Variants in DHX16 observed in about 807,000 individuals in gnomAD.
The protein encoded by DHX16 is pre-mRNA-splicing factor ATP-dependent RNA helicase DHX16.
A neutral mutation model predicts 131.2 loss-of-function variants in DHX16; 81 were observed. That is an observed-to-expected ratio of 0.62 (90% CI 0.52 to 0.74). The LOEUF is 0.74. Among genes scored for constraint, DHX16 ranks in the 30% least tolerant of loss-of-function variants. The probability of loss-of-function intolerance (pLI) is 0.00; values close to 1 mark genes in which losing one functional copy is unlikely to be tolerated. For missense variants in DHX16, 980 were observed against 1,363.1 expected, an observed-to-expected ratio of 0.72 and a Z score of 4.43; for synonymous variants, 440 against 520.2, an observed-to-expected ratio of 0.85 and a Z score of 2.10.
At chr6:30,655,150 A>G (rs563464915) in intron 18 of DHX16, 25 bp downstream of exon 18, 2 of 1,613,766 alleles carry the variant, frequency 1.2e-6, no homozygotes, top group Non-Finnish European at 8.5e-7. Context: ...GGGGGTGGAA[A>G]GCAGGAGGCT....
intron 12 of DHX16, among the ~76,000 whole-genome samples, chr6:30,657,679 T>C (rs1219078802): frequency 6.6e-6 from 1 of 152,090 alleles, no homozygotes; most frequent in Non-Finnish European, 1.5e-5. Flanking sequence ...GTAAGTGCAC[T>C]CCTCACTGGA....
intron 12 of DHX16, among the ~76,000 whole-genome samples, chr6:30,657,819 G>A (rs1272249263): frequency 6.6e-6 from 1 of 152,028 alleles, no homozygotes; most frequent in Non-Finnish European, 1.5e-5. Flanking sequence ...TACACCCCAA[G>A]GAAAATACCT....
In DHX16 at chr6:30,660,044, G is replaced by A; in HGVS notation, c.1743C>T (p.Ile581=). The change falls in exon 10 of 20, where the codon ATC becomes ATT. Residue 581 remains isoleucine (I), a synonymous_variant. Transcript: ENST00000376442. ...RIPGRRFPVD[I]FYTKAPEADY... The stretch of plus-strand genomic sequence containing the variant: ...CCTGAGGGGGCACCTTGGTGTAGAA[G>A]ATGTCCACAGGAAACCTGCGTCCGG... The A allele has an allele frequency of 2.5e-6, 4 of 1,612,664 alleles. No individual in the cohort carries two copies. The highest frequency in any genetic ancestry group is 3.4e-6 in the Non-Finnish European group (4 of 1,179,784).
intron 7 of DHX16, among the ~76,000 whole-genome samples, chr6:30,663,498 G>A (rs1307735555): frequency 2.0e-5 from 3 of 151,896 alleles, no homozygotes; most frequent in Non-Finnish European, 4.4e-5. Flanking sequence ...GAGGCAGACG[G>A]ATCTCCTGAG....
chr6:30,659,336 AG>A, intron 12 of DHX16, 135 bp downstream of exon 12: 2 of 951,642 alleles, frequency 2.1e-6, no homozygotes, highest in Non-Finnish European at 3.1e-6. Context: ...CTTCAGTCCC[AG>A]GAACAAGGGA....
chr6:30,666,869 G>C (rs1769091535), intron 4 of DHX16, among the ~76,000 whole-genome samples: 1 of 152,036 alleles, frequency 6.6e-6, no homozygotes, highest in South Asian at 2.1e-4. Flanking sequence ...TAGTTGTTTG[G>C]CTTTTCTTGT....
chr6:30,656,169 T>C lies in DHX16; in HGVS notation c.2498+29A>G. On this transcript the variant is annotated intron_variant, in intron 16 of 19. Coordinates refer to ENST00000376442, the MANE Select transcript of DHX16 (RefSeq NM_003587.5). The surrounding 1 kb of genome is among the most constrained non-coding windows in gnomAD (Gnocchi z 5.1). ...GAGGAGGCCTGGCCTGTTTGTGTGC[T>C]GGGGGCCCAGGTGGAGGCGAGGGCT... 1 of 1,610,144 alleles carries C rather than the reference T, an allele frequency of 6.2e-7. No individual in the cohort carries two copies.
rs1215043382 is a variant in DHX16, at chr6:30,656,510, C to T, written c.2312-1G>A. 8.7e-6 allele frequency: 14 copies of T among 1,613,994 alleles called. No homozygotes were observed. Among genetic ancestry groups the T allele is most frequent in the Non-Finnish European group, 1.2e-5 (14 of 1,179,984 alleles). ...TCAAAGTGCATTAGGTCATGGATCC[C>T]TAGAAAGAGGTGTGATGGATGGAAC... On this transcript the variant is annotated splice_acceptor_variant, in intron 14 of 19. Coordinates refer to ENST00000376442, the MANE Select transcript of DHX16 (RefSeq NM_003587.5). LOFTEE classifies it high-confidence loss of function. The surrounding 1 kb of genome is among the most constrained non-coding windows in gnomAD (Gnocchi z 5.1).
Position 30,664,878 on chromosome 6 carries a change from T to A in DHX16, c.1240A>T (p.Asn414Tyr). The A allele has an allele frequency of 6.2e-7, 1 of 1,613,152 alleles. No individual in the cohort carries two copies. Among genetic ancestry groups the A allele is most frequent in the Non-Finnish European group, 8.5e-7 (1 of 1,179,998 alleles). The part of the protein sequence containing the change: ...FREELLAAIA[N>Y]HQVLIIEGET... ...CCTTCAATGATGAGGACTTGGTGAT[T>A]TGCAATAGCAGCCAGGAGCTCCTCT... Residue 414 changes from asparagine to tyrosine, a missense_variant, in exon 7 of 20, where the codon AAT becomes TAT. Physicochemically the swap from Asn to Tyr is moderately radical, Grantham distance 143. Around this residue, in one of 3 missense-constraint regions of DHX16, gnomAD observed 457 missense variants for 554.8 expected, o/e 0.82. Coordinates refer to ENST00000376442, the MANE Select transcript of DHX16 (RefSeq NM_003587.5).
At position 30,659,526 on chromosome 6, in the gene DHX16, C is replaced by T. The variant is rs375088615; in HGVS notation, c.1953G>A (p.Leu651=). Residue 651 remains leucine, a synonymous_variant, in exon 12 of 20, where the codon CTG becomes CTA. Coordinates refer to ENST00000376442, the MANE Select transcript of DHX16 (RefSeq NM_003587.5). ...AGATACGGGCCTGCATGTCAGAGGG[C>T]AGATTGGCATAAATGGGCAGCACCA... is the stretch of plus-strand genomic sequence containing the variant. ...ELLVLPIYAN[L]PSDMQARIFQ... 61 of 1,609,534 alleles carry T rather than the reference C, an allele frequency of 3.8e-5. No homozygotes were observed. The highest frequency in any genetic ancestry group is 5.1e-5 in the Non-Finnish European group (60 of 1,178,550).
chr6:30,661,155 G>A (rs577761856), intron 9 of DHX16, among the ~76,000 whole-genome samples: 27 of 151,834 alleles, frequency 1.8e-4, no homozygotes, highest in South Asian at 6.2e-4. Flanking sequence ...TCGGCTCACC[G>A]CAAGCTCCGC....
rs1011625322 is a variant in DHX16 at position 30,671,738 on chromosome 6, AT to A, written c.208-465del. On this transcript the variant is annotated intron_variant, in intron 1 of 19. Transcript: ENST00000376442. ...TTCATCATCCTGAATGGGGTTTTTT[AT>A]TTTTTTTTACAGACAGGGTTTCACT... Among the ~76,000 whole-genome samples the A allele has an allele frequency of 4.0e-5, 6 of 149,934 alleles. No homozygotes were observed. The East Asian group carries it at 1.2e-3, about 30-fold the overall frequency.
At position 30,655,538 on chromosome 6, in the gene DHX16, A is replaced by T. The variant is rs779954614; in HGVS notation, c.2558T>A (p.Ile853Asn). 6.2e-7 allele frequency: 1 copy of T among 1,612,980 alleles called. No homozygotes were observed. Among genetic ancestry groups the T allele is most frequent in the Non-Finnish European group, 8.5e-7 (1 of 1,180,046 alleles). ...VAAMLSVNNS[I>N]FYRPKDKVVH... ...GACCTTGTCCTTTGGTCGGTAGAAG[A>T]TGGAGTTGTTGACAGAGAGCATGGC... The change falls in exon 17 of 20, where the codon ATC becomes AAC. Residue 853 changes from isoleucine (I) to asparagine (N), a missense_variant. This residue lies in a region of DHX16 where 214 missense variants were observed against 271.2 expected (regional missense o/e 0.79). Coordinates refer to ENST00000376442, the MANE Select transcript of DHX16 (RefSeq NM_003587.5).
At chr6:30,659,910 A>G in intron 10 of DHX16, 76 bp from the exon 11 acceptor site, 1 of 1,557,406 alleles carries the variant, frequency 6.4e-7, no homozygotes, top group Non-Finnish European at 8.8e-7. Flanking sequence ...CCAATTCAAC[A>G]TACACTTTAT....
chr6:30,671,536 G>A (rs1350760056), intron 1 of DHX16, among the ~76,000 whole-genome samples: 3 of 151,988 alleles, frequency 2.0e-5, no homozygotes, highest in African/African-American at 7.3e-5. Flanking sequence ...TAGTAGAGAT[G>A]AGGTTTCACC....
intron 1 of DHX16, among the ~76,000 whole-genome samples, chr6:30,672,335 A>G (rs1042838474): frequency 7.3e-5 from 11 of 151,566 alleles, no homozygotes; most frequent in Admixed American, 2.0e-4. Flanking sequence ...AAAAAAAAAA[A>G]AAAGAAAGAA....
In DHX16 at chr6:30,665,116, C is replaced by T. The variant is rs1347391627; in HGVS notation, c.1080G>A (p.Glu360=). 4 of 1,614,012 alleles carry T rather than the reference C, an allele frequency of 2.5e-6. No individual in the cohort carries two copies. The highest frequency in any genetic ancestry group is 3.4e-6 in the Non-Finnish European group (4 of 1,179,996). ...TGGCCCGGACAAACTCAATGGTCTC[C>T]TCCTCCTCCAGCACCAGTTGATACT... ...EPKYQLVLEE[E]ETIEFVRATQ... Residue 360 remains glutamate, a synonymous_variant, in exon 6 of 20, where the codon GAG becomes GAA. Coordinates refer to ENST00000376442, the MANE Select transcript of DHX16 (RefSeq NM_003587.5). The surrounding 1 kb of genome is among the most constrained non-coding windows in gnomAD (Gnocchi z 4.8).
Position 30,672,957 on chromosome 6 carries a change from TTGG to T in DHX16, c.-119_-117del, listed in dbSNP as rs1562006339. The T allele has an allele frequency of 3.9e-6, 6 of 1,554,426 alleles. No homozygotes were observed. Among genetic ancestry groups the T allele is most frequent in the Non-Finnish European group, 1.7e-6 (2 of 1,148,482 alleles). On this transcript the variant is annotated 5_prime_UTR_variant, in exon 1 of 20. Coordinates refer to ENST00000376442, the MANE Select transcript of DHX16 (RefSeq NM_003587.5). Reference sequence around the variant, plus strand: ...GCCTCAGCTTCGCAAGTCAGCTACCTTGGGACCTCTAGGATCTTCCGACATCCC... The same window carrying T: ...GCCTCAGCTTCGCAAGTCAGCTACCTGACCTCTAGGATCTTCCGACATCCC...
chr6:30,656,869 G>A lies in DHX16; in HGVS notation c.2148+83C>T, dbSNP rs1024180080. 7.6e-6 allele frequency: 12 copies of A among 1,587,266 alleles called. No individual in the cohort carries two copies. The highest frequency in any genetic ancestry group is 1.0e-5 in the Non-Finnish European group (12 of 1,165,884). ...GCAAACTGCTCATCCCGGTTCCCTA[G>A]GAAGCCCCCACCCTGCTTCTGAGTT... On this transcript the variant is annotated intron_variant, in intron 13 of 19. Coordinates refer to ENST00000376442, the MANE Select transcript of DHX16 (RefSeq NM_003587.5). This position sits in a 1 kb window ranked among gnomAD's most constrained non-coding sequence, Gnocchi z 5.1.
Sources: allele counts gnomAD v4.1 joint callset (sites outside exome capture counted in the v4.1 genomes callset), GRCh38; gene constraint gnomAD v4.1.1; regional missense constraint gnomAD v4.1.1; non-coding constraint Gnocchi (gnomAD v3.1); transcripts MANE v1.5; gene names NCBI Gene and HGNC (gene_info 2026-07-23, HGNC 2026-07-21).